Variants in PLXNC1 observed in about 807,000 individuals in gnomAD.
PLXNC1 encodes plexin C1.
PLXNC1 carries 75 observed loss-of-function variants against 178.2 expected under a neutral mutation model. That is an observed-to-expected ratio of 0.42 (90% CI 0.35 to 0.51). The LOEUF (loss-of-function observed/expected upper bound fraction) is 0.51. PLXNC1 is among the 20% of genes least tolerant of loss of function. The pLI, the probability that PLXNC1 is intolerant of heterozygous loss-of-function variation, is 0.02. For missense variants in PLXNC1, 1,503 were observed against 1,984.4 expected (o/e 0.76, Z 4.61); for synonymous variants, 790 against 779.9 (o/e 1.01, Z -0.22).
chr12:94,285,454 G>A (rs1376115551), intron 23 of PLXNC1, among the ~76,000 whole-genome samples: 4 of 152,186 alleles, frequency 2.6e-5, no homozygotes, highest in African/African-American at 9.7e-5. Flanking sequence ...GCTGTAGGGA[G>A]TCTAGCAGAG....
intron 20 of PLXNC1, among the ~76,000 whole-genome samples, chr12:94,263,149 G>A (rs555898593): frequency 5.4e-4 from 82 of 152,278 alleles, no homozygotes; most frequent in African/African-American, 1.9e-3. Flanking sequence ...GAAACCTCAT[G>A]GCCCTGTGAT....
chr12:94,210,405 A>G (rs745476211), intron 5 of PLXNC1, among the ~76,000 whole-genome samples: 6 of 152,250 alleles, frequency 3.9e-5, no homozygotes, highest in Non-Finnish European at 7.3e-5. Context: ...CAGTGGTGCT[A>G]TAAGGAGGCA....
chr12:94,171,602 T>G (rs1565791556), intron 2 of PLXNC1, among the ~76,000 whole-genome samples: 1 of 152,178 alleles, frequency 6.6e-6, no homozygotes, highest in East Asian at 1.9e-4. Context: ...TATGCTGCAC[T>G]GACTTTGCAA....
At chr12:94,274,833 C>G (rs1235299999) in intron 21 of PLXNC1, among the ~76,000 whole-genome samples, 1 of 152,180 alleles carries the variant, frequency 6.6e-6, no homozygotes, top group African/African-American at 2.4e-5. Flanking sequence ...GCCTCAGTTT[C>G]TCATCTGCCA....
chr12:94,224,744 A>G (rs949392517), intron 7 of PLXNC1, among the ~76,000 whole-genome samples: 5 of 152,132 alleles, frequency 3.3e-5, no homozygotes, highest in African/African-American at 1.2e-4. Context: ...CATCGCTACA[A>G]AAAAACACAA....
intron 4 of PLXNC1, among the ~76,000 whole-genome samples, chr12:94,200,109 T>C (rs545179702): frequency 6.6e-6 from 1 of 152,332 alleles, no homozygotes; most frequent in African/African-American, 2.4e-5. Context: ...GTTTTTTGTT[T>C]AGTGGAGCTA....
intron 21 of PLXNC1, among the ~76,000 whole-genome samples, chr12:94,267,850 T>C (rs551308633): frequency 7.9e-5 from 12 of 152,282 alleles, no homozygotes; most frequent in Admixed American, 2.6e-4. Flanking sequence ...CTCCTCCCCT[T>C]CTTTTTCACT....
At chr12:94,237,224 G>A (rs1449471060) in intron 9 of PLXNC1, among the ~76,000 whole-genome samples, 1 of 152,168 alleles carries the variant, frequency 6.6e-6, no homozygotes, top group Non-Finnish European at 1.5e-5. Flanking sequence ...CTGCTTTCTT[G>A]GGAACTGAAT....
At chr12:94,162,104 T>TATTA (rs1296025018) in intron 1 of PLXNC1, among the ~76,000 whole-genome samples, 1 of 152,134 alleles carries the variant, frequency 6.6e-6, no homozygotes, top group African/African-American at 2.4e-5. Context: ...AAACAATAGT[T>TATTA]ATAATAAGTA....
chr12:94,277,535 C>A (rs537367517), intron 21 of PLXNC1, among the ~76,000 whole-genome samples: 1 of 152,138 alleles, frequency 6.6e-6, no homozygotes, highest in Non-Finnish European at 1.5e-5. Flanking sequence ...GATGAGAAAG[C>A]GACATACACA....
intron 5 of PLXNC1, 61 bp downstream of exon 5, chr12:94,209,765 A>G (rs1481412975): frequency 7.0e-6 from 7 of 1,002,444 alleles, no homozygotes; most frequent in Non-Finnish European, 1.1e-5. Flanking sequence ...AGCGGATGCT[A>G]AATTTCTTCT....
chr12:94,218,911 C>T lies in PLXNC1; in HGVS notation c.1555-1105C>T, dbSNP rs146460539. On this transcript the variant is annotated intron_variant, in intron 5 of 30. Transcript: ENST00000258526. ...GGAATAGTTGACAAATGTATCTTCA[C>T]ACCTAGGATCATCAAGGCACGCTGT... is the stretch of plus-strand genomic sequence containing the variant. 5.6e-3 allele frequency among the ~76,000 whole-genome samples: 852 copies of T among 152,282 alleles called. 11 individuals are homozygous for T. Among genetic ancestry groups the T allele is most frequent in the African/African-American group, 0.02 (813 of 41,558 alleles).
intron 1 of PLXNC1, among the ~76,000 whole-genome samples, chr12:94,160,517 C>T (rs1404858526): frequency 6.6e-6 from 1 of 152,210 alleles, no homozygotes; most frequent in East Asian, 1.9e-4. Context: ...TCCTGATCAT[C>T]GCCCCTTGGT....
chr12:94,230,608 A>G (rs1402889253), intron 9 of PLXNC1, among the ~76,000 whole-genome samples: 1 of 152,140 alleles, frequency 6.6e-6, no homozygotes, highest in East Asian at 1.9e-4. Context: ...ATGGAGTGTT[A>G]TTTGTCACAG....
intron 11 of PLXNC1, among the ~76,000 whole-genome samples, chr12:94,241,716 A>AAT (rs1387756268): frequency 1.3e-5 from 2 of 152,186 alleles, no homozygotes; most frequent in Non-Finnish European, 2.9e-5. Flanking sequence ...TATGCTGAAT[A>AAT]ATACTCCATT....
At chr12:94,267,486 G>A (rs1275848231) in intron 21 of PLXNC1, among the ~76,000 whole-genome samples, 3 of 152,046 alleles carry the variant, frequency 2.0e-5, no homozygotes, top group Non-Finnish European at 2.9e-5. Context: ...TATAGCCCCT[G>A]GGGAAAAGGG....
intron 4 of PLXNC1, among the ~76,000 whole-genome samples, chr12:94,191,769 C>CAAAA (rs58096506): frequency 2.1e-5 from 3 of 141,272 alleles, no homozygotes; most frequent in African/African-American, 2.7e-5. Context: ...AACTCCATCT[C>CAAAA]AAAAAAAAAA....
intron 27 of PLXNC1, among the ~76,000 whole-genome samples, chr12:94,299,722 G>GCTAA (rs1266004979): frequency 2.0e-5 from 3 of 152,216 alleles, no homozygotes; most frequent in South Asian, 4.1e-4. Context: ...ACCGCACTCA[G>GCTAA]CTAACTTTTA....
chr12:94,297,249 C>G (rs1968023336), intron 25 of PLXNC1, 29 bp downstream of exon 25: 1 of 1,613,754 alleles, frequency 6.2e-7, no homozygotes, highest in African/African-American at 1.3e-5. Flanking sequence ...GTGCTCACCA[C>G]TGAACTGCAT....
Sources: gnomAD v4.1 joint callset for allele counts (sites outside exome capture counted in the v4.1 genomes callset) on GRCh38, gnomAD v4.1.1 for gene constraint, MANE v1.5 for transcripts, NCBI Gene and HGNC (gene_info 2026-07-23, HGNC 2026-07-21) for gene names.